Variants in SDK1 observed in about 807,000 individuals in gnomAD.
The protein encoded by SDK1 is sidekick cell adhesion molecule 1.
A neutral mutation model predicts 245.5 loss-of-function variants in SDK1; 157 were observed. The observed-to-expected ratio is 0.64, with a 90% CI of 0.56 to 0.73. The LOEUF (loss-of-function observed/expected upper bound fraction) is 0.73, where lower values mean the gene tolerates loss of function less well. Ranked by LOEUF, SDK1 falls within the 30% of genes least tolerant of loss-of-function variation. SDK1 has a pLI of 0.00. For missense variants in SDK1, 3,583 were observed against 3,002.3 expected, an observed-to-expected ratio of 1.19 and a Z score of -4.52; for synonymous variants, 1,647 against 1,278.5, an observed-to-expected ratio of 1.29 and a Z score of -6.15.
In SDK1 at chr7:3,477,727, T is replaced by C. The variant is rs182166402; in HGVS notation, c.299-141353T>C. On this transcript the variant is annotated intron_variant, in intron 1 of 44. Coordinates refer to ENST00000404826, the MANE Select transcript of SDK1 (RefSeq NM_152744.4). ...TAGAGTCCCACTATGTTGTTCAGGC[T>C]TGTCCCGAACCTCTAGCTTAAAGTG... is the stretch of plus-strand genomic sequence containing the variant. Among the ~76,000 whole-genome samples, 251 of 152,136 alleles carry C rather than the reference T, an allele frequency of 1.6e-3. 1 individual carries two copies. The highest frequency in any genetic ancestry group is 0.01 in the South Asian group (49 of 4,810).
At chr7:4,256,420 C>T (rs547319500) in intron 44 of SDK1, among the ~76,000 whole-genome samples, 13 of 152,194 alleles carry the variant, frequency 8.5e-5, no homozygotes, top group East Asian at 1.9e-4. Flanking sequence ...TTTACAGAAA[C>T]GGAATCCAGT....
chr7:3,707,002 G>A (rs964089257), intron 4 of SDK1, among the ~76,000 whole-genome samples: 2 of 152,112 alleles, frequency 1.3e-5, no homozygotes, highest in Non-Finnish European at 2.9e-5. Context: ...CAAAGAACAA[G>A]ATTTTTGTTT....
chr7:3,891,605 T>C (rs1781461729), intron 5 of SDK1, among the ~76,000 whole-genome samples: 1 of 152,230 alleles, frequency 6.6e-6, no homozygotes. Flanking sequence ...TCCTCCTTTC[T>C]CTAAACTCAA....
chr7:3,699,225 A>G (rs1784670631), intron 4 of SDK1, among the ~76,000 whole-genome samples: 1 of 152,240 alleles, frequency 6.6e-6, no homozygotes, highest in African/African-American at 2.4e-5. Flanking sequence ...AGTGAAAATC[A>G]TTGATCATAA....
chr7:3,728,786 A>G (rs1055962039), intron 4 of SDK1, among the ~76,000 whole-genome samples: 1 of 152,022 alleles, frequency 6.6e-6, no homozygotes, highest in Non-Finnish European at 1.5e-5. Flanking sequence ...TTGTATTTTT[A>G]GTAGAGGCGG....
chr7:4,024,865 G>A (rs141000502), intron 17 of SDK1, among the ~76,000 whole-genome samples: 2,930 of 150,804 alleles, frequency 0.019, 104 homozygotes, highest in African/African-American at 0.067. Flanking sequence ...TATCAGCCCT[G>A]GTGAAAAATG....
chr7:3,644,229 T>C (rs947653533), intron 4 of SDK1, among the ~76,000 whole-genome samples: 9 of 112,460 alleles, frequency 8.0e-5, no homozygotes, highest in Non-Finnish European at 1.2e-4. Flanking sequence ...ATTTTGGTTA[T>C]TGGGAACAAA....
intron 4 of SDK1, among the ~76,000 whole-genome samples, chr7:3,724,530 T>C (rs1399746984): frequency 1.3e-5 from 2 of 152,222 alleles, no homozygotes; most frequent in African/African-American, 4.8e-5. Context: ...AAAACTGTGA[T>C]CATGATTATG....
intron 5 of SDK1, among the ~76,000 whole-genome samples, chr7:3,855,559 G>A (rs1483196061): frequency 6.6e-6 from 1 of 152,026 alleles, no homozygotes; most frequent in Non-Finnish European, 1.5e-5. Context: ...GAGAAATAAT[G>A]TATGTAAAAA....
intron 22 of SDK1, among the ~76,000 whole-genome samples, chr7:4,103,103 C>T (rs1782675499): frequency 6.6e-6 from 1 of 151,388 alleles, no homozygotes; most frequent in African/African-American, 2.4e-5. Flanking sequence ...CGGGCTCACG[C>T]CATTCTCCTG....
At chr7:3,762,602 G>A (rs1348194009) in intron 4 of SDK1, among the ~76,000 whole-genome samples, 1 of 152,200 alleles carries the variant, frequency 6.6e-6, no homozygotes, top group Non-Finnish European at 1.5e-5. Flanking sequence ...TTTCAGCAAT[G>A]CCCTTGTGGT....
chr7:3,522,583 T>G (rs57743735), intron 1 of SDK1, among the ~76,000 whole-genome samples: 40,107 of 151,828 alleles, frequency 0.26, 5,492 homozygotes, highest in East Asian at 0.34. Context: ...GGAGCCCTGA[T>G]ATGTTTATTA....
At chr7:3,647,178 T>G (rs1366795888) in intron 4 of SDK1, among the ~76,000 whole-genome samples, 1 of 152,216 alleles carries the variant, frequency 6.6e-6, no homozygotes, top group Admixed American at 6.5e-5. Context: ...TTGAGCCCAG[T>G]AGCTTGAAGC....
At chr7:3,677,942 A>G (rs898748124) in intron 4 of SDK1, among the ~76,000 whole-genome samples, 1 of 152,208 alleles carries the variant, frequency 6.6e-6, no homozygotes, top group Non-Finnish European at 1.5e-5. Flanking sequence ...ACAACTCAAC[A>G]ACAACAGAAC....
intron 4 of SDK1, among the ~76,000 whole-genome samples, chr7:3,694,979 A>C (rs1784533078): frequency 6.6e-6 from 1 of 152,230 alleles, no homozygotes; most frequent in African/African-American, 2.4e-5. Context: ...ACCAAACATG[A>C]AAATATTTCC....
chr7:3,788,020 T>G (rs948446436), intron 4 of SDK1, among the ~76,000 whole-genome samples: 5 of 152,164 alleles, frequency 3.3e-5, no homozygotes, highest in Non-Finnish European at 7.4e-5. Context: ...CTCTTGGAAG[T>G]GACTCTGAGA....
chr7:3,722,617 G>A (rs185048065), intron 4 of SDK1, among the ~76,000 whole-genome samples: 28 of 152,262 alleles, frequency 1.8e-4, no homozygotes, highest in Admixed American at 1.8e-3. Context: ...GCACAATTCC[G>A]GACACACGGG....
At chr7:3,876,849 A>G (rs961842506) in intron 5 of SDK1, among the ~76,000 whole-genome samples, 5 of 152,244 alleles carry the variant, frequency 3.3e-5, no homozygotes, top group African/African-American at 4.8e-5. Context: ...ACACAGCTCT[A>G]TCAGACTTCA....
intron 4 of SDK1, among the ~76,000 whole-genome samples, chr7:3,755,927 GAC>G (rs1779914333): frequency 6.6e-6 from 1 of 151,948 alleles, no homozygotes; most frequent in African/African-American, 2.4e-5. Flanking sequence ...TAGCACGTGT[GAC>G]ACATGTATAT....
Sources: allele counts gnomAD v4.1 joint callset (sites outside exome capture counted in the v4.1 genomes callset), GRCh38; gene constraint gnomAD v4.1.1; transcripts MANE v1.5; gene names NCBI Gene and HGNC (gene_info 2026-07-23, HGNC 2026-07-21).